The following PACRG variants were observed in gnomAD, a reference collection of about 807,000 sequenced individuals.
PACRG encodes parkin coregulated, also known as parkin coregulated gene protein.
Under a neutral mutation model 29.7 loss-of-function variants are expected in PACRG, and 29 were observed. The observed-to-expected ratio is 0.98, with a 90% CI of 0.73 to 1.33. The LOEUF is 1.33. Ranked by LOEUF, PACRG falls within the 40% of genes most tolerant of loss-of-function variation. The pLI, the probability that PACRG is intolerant of heterozygous loss-of-function variation, is 0.00. For synonymous variants in PACRG, 116 were observed against 118.7 expected, an observed-to-expected ratio of 0.98 and a Z score of 0.15; for missense variants, 279 against 316.2, an observed-to-expected ratio of 0.88 and a Z score of 0.89.
At chr6:162,898,281 C>G (rs1459653618) in intron 2 of PACRG, among the ~76,000 whole-genome samples, 1 of 152,162 alleles carries the variant, frequency 6.6e-6, no homozygotes, top group Non-Finnish European at 1.5e-5. Flanking sequence ...GTGGAAGAAG[C>G]ACTGAAGAGT....
intron 4 of PACRG, among the ~76,000 whole-genome samples, chr6:163,285,212 C>A (rs1784356963): frequency 6.6e-6 from 1 of 152,032 alleles, no homozygotes; most frequent in Non-Finnish European, 1.5e-5. Flanking sequence ...CCACCGGACT[C>A]ATCTCTGCTT....
intron 4 of PACRG, among the ~76,000 whole-genome samples, chr6:163,172,431 A>G (rs1779130274): frequency 6.6e-6 from 1 of 152,226 alleles, no homozygotes. Flanking sequence ...AAGTTGCCCC[A>G]GAGAAAGCCT....
intron 2 of PACRG, among the ~76,000 whole-genome samples, chr6:162,941,890 C>T (rs1445934219): frequency 6.6e-6 from 1 of 152,106 alleles, no homozygotes; most frequent in Non-Finnish European, 1.5e-5. Flanking sequence ...AAGCCAGTTG[C>T]TTTCATTACT....
At chr6:162,800,637 A>G (rs1335938483) in intron 1 of PACRG, among the ~76,000 whole-genome samples, 1 of 152,192 alleles carries the variant, frequency 6.6e-6, no homozygotes, top group Non-Finnish European at 1.5e-5. Flanking sequence ...ATGCTTTGAA[A>G]TGTCGACTGG....
chr6:162,880,957 G>T (rs1203601173), intron 2 of PACRG, among the ~76,000 whole-genome samples: 1 of 152,348 alleles, frequency 6.6e-6, no homozygotes, highest in African/African-American at 2.4e-5. Flanking sequence ...TGTGCACAGA[G>T]CCACGCTCTG....
intron 2 of PACRG, among the ~76,000 whole-genome samples, chr6:162,967,163 A>G (rs943739729): frequency 6.6e-6 from 1 of 152,186 alleles, no homozygotes; most frequent in Non-Finnish European, 1.5e-5. Context: ...GCTTGCCTTA[A>G]TAACAGATGC....
chr6:163,279,864 T>C (rs952119124), intron 4 of PACRG, among the ~76,000 whole-genome samples: 2 of 152,222 alleles, frequency 1.3e-5, no homozygotes, highest in African/African-American at 4.8e-5. Context: ...TCCATGAAGA[T>C]AGATTATTCC....
chr6:162,968,955 G>C (rs1448783958), intron 2 of PACRG, among the ~76,000 whole-genome samples: 1 of 148,356 alleles, frequency 6.7e-6, no homozygotes, highest in Non-Finnish European at 1.5e-5. Flanking sequence ...GCTGAGGCAG[G>C]AGAATCGCTT....
intron 4 of PACRG, among the ~76,000 whole-genome samples, chr6:163,196,960 T>C (rs4571546): frequency 0.32 from 47,999 of 149,292 alleles, 7,788 homozygotes; most frequent in East Asian, 0.46. Flanking sequence ...GATAGATAGA[T>C]AGATAGATAG....
chr6:162,953,623 T>G (rs1412806704), intron 2 of PACRG, among the ~76,000 whole-genome samples: 1 of 152,092 alleles, frequency 6.6e-6, no homozygotes, highest in Admixed American at 6.5e-5. Context: ...GATTTTTCCT[T>G]GGAACTGTCT....
chr6:163,156,376 G>A (rs922521260), intron 4 of PACRG, among the ~76,000 whole-genome samples: 98 of 152,114 alleles, frequency 6.4e-4, no homozygotes, highest in African/African-American at 2.2e-3. Flanking sequence ...AGCACCAGAG[G>A]AGCCTGGGGG....
At chr6:162,854,160 C>G (rs9365500) in intron 2 of PACRG, among the ~76,000 whole-genome samples, 7,131 of 94,858 alleles carry the variant, frequency 0.075, 340 homozygotes, top group East Asian at 0.31. Context: ...AGACCATTTT[C>G]TTTCTGTTTT....
chr6:163,056,165 A>T (rs1810574863), intron 2 of PACRG, among the ~76,000 whole-genome samples: 1 of 152,212 alleles, frequency 6.6e-6, no homozygotes, highest in African/African-American at 2.4e-5. Context: ...GCTGGTGGGA[A>T]TATAAAATGG....
At chr6:162,932,115 G>A (rs1453826320) in intron 2 of PACRG, among the ~76,000 whole-genome samples, 1 of 151,888 alleles carries the variant, frequency 6.6e-6, no homozygotes, top group East Asian at 1.9e-4. Flanking sequence ...TTAACAGCAT[G>A]GATGCATCTA....
chr6:162,965,675 A>G (rs1800964668), intron 2 of PACRG, among the ~76,000 whole-genome samples: 1 of 152,218 alleles, frequency 6.6e-6, no homozygotes, highest in Non-Finnish European at 1.5e-5. Flanking sequence ...GGCCTTGGCT[A>G]AGAAATTGGT....
chr6:162,918,940 G>T (rs1348393007), intron 2 of PACRG, among the ~76,000 whole-genome samples: 8 of 152,008 alleles, frequency 5.3e-5, no homozygotes, highest in African/African-American at 1.9e-4. Context: ...TAAAAATATT[G>T]TAGTGATTGG....
intron 2 of PACRG, among the ~76,000 whole-genome samples, chr6:163,011,712 C>T (rs1562829764): frequency 6.6e-6 from 1 of 152,216 alleles, no homozygotes; most frequent in Non-Finnish European, 1.5e-5. Flanking sequence ...TTAGTAAAAA[C>T]AGCTTAAAAC....
At chr6:162,876,316 C>T (rs188937084) in intron 2 of PACRG, among the ~76,000 whole-genome samples, 2 of 152,344 alleles carry the variant, frequency 1.3e-5, no homozygotes, top group Admixed American at 6.5e-5. Context: ...CCATCACTCT[C>T]TTCCTGCTGT....
intron 4 of PACRG, among the ~76,000 whole-genome samples, chr6:163,308,898 T>C (rs1785296002): frequency 6.6e-6 from 1 of 152,180 alleles, no homozygotes; most frequent in African/African-American, 2.4e-5. Flanking sequence ...CGTCAAAGGT[T>C]ACAGGTCTTA....
Sources: allele counts gnomAD v4.1 joint callset (sites outside exome capture counted in the v4.1 genomes callset), GRCh38; gene constraint gnomAD v4.1.1; transcripts MANE v1.5; gene names NCBI Gene and HGNC (gene_info 2026-07-23, HGNC 2026-07-21).